Variants in BTBD18 observed in about 807,000 individuals in gnomAD.
BTBD18 encodes BTB domain containing 18, also known as BTB/POZ domain-containing protein 18.
For missense variants in BTBD18, 787 were observed against 846.3 expected, an observed-to-expected ratio of 0.93 and a Z score of 0.87; for synonymous variants, 311 against 324.4, an observed-to-expected ratio of 0.96 and a Z score of 0.44.
At chr11:57,749,745 C>CAAAAAAAAAAAAAA (rs576323420) in intron 2 of BTBD18, among the ~76,000 whole-genome samples, 1 of 62,944 alleles carries the variant, frequency 1.6e-5, no homozygotes, top group Non-Finnish European at 2.8e-5. Flanking sequence ...GCAAGAATCT[C>CAAAAAAAAAAAAAA]AAAAAAAAAA....
chr11:57,752,524 CAAA>C (rs1171408975), upstream of BTBD18, among the ~76,000 whole-genome samples: 1 of 116,298 alleles, frequency 8.6e-6, no homozygotes. Flanking sequence ...GACTCCGTCT[CAAA>C]AAAAAAAAAA....
At chr11:57,748,576 AG>A (rs199880871) in intron 2 of BTBD18, among the ~76,000 whole-genome samples, 3,664 of 151,672 alleles carry the variant, frequency 0.024, 66 homozygotes, top group Non-Finnish European at 0.035. Context: ...AAAAAAAAAA[AG>A]AATTTGAGCC....
chr11:57,744,178 C>G lies in BTBD18; in HGVS notation c.2095G>C (p.Asp699His). 1 of 1,551,438 alleles carries G rather than the reference C, an allele frequency of 6.4e-7. No individual in the cohort carries two copies. The highest frequency in any genetic ancestry group is 1.2e-5 in the South Asian group (1 of 84,044). Residue 699 changes from aspartate to histidine, a missense_variant, in exon 3 of 3, where the codon GAC becomes CAC. Coordinates refer to ENST00000422652, the MANE Select transcript of BTBD18 (RefSeq NM_001145101.3). ...VPTTVPSVWP[D>H]PSSESETEVD... Reference sequence around the variant, plus strand: ...TCTGTTTCTGACTCTGAGGAAGGGTCAGGCCACACGGAGGGAACAGTAGTG... The same window carrying G: ...TCTGTTTCTGACTCTGAGGAAGGGTGAGGCCACACGGAGGGAACAGTAGTG...
At chr11:57,751,446 C>T (rs567390921) in intron 1 of BTBD18, 95 bp downstream of exon 1, 43 of 297,594 alleles carry the variant, frequency 1.4e-4, no homozygotes, top group Admixed American at 8.5e-4. Flanking sequence ...TGGGTCTTGG[C>T]TCTATTTATT....
upstream of BTBD18, among the ~76,000 whole-genome samples, chr11:57,752,458 T>C (rs1209036413): frequency 1.3e-5 from 2 of 149,964 alleles, no homozygotes; most frequent in Non-Finnish European, 3.0e-5. Flanking sequence ...CGCTTGAACC[T>C]GGGAGGCAGA....
In BTBD18 at chr11:57,745,356, T is replaced by C. The variant is rs1949169258; in HGVS notation, c.917A>G (p.Glu306Gly). Reference sequence around the variant, plus strand: ...TGGTTTTGGCTTGTCCTCTGGTGTTTCTTTATTTACACTCCTCTGCCGCCA... The same window carrying C: ...TGGTTTTGGCTTGTCCTCTGGTGTTCCTTTATTTACACTCCTCTGCCGCCA... ...RLWRQRSVNK[E>G]TPEDKPKPGR... Residue 306 changes from glutamate to glycine, a missense_variant, in exon 3 of 3, where the codon GAA becomes GGA. Coordinates refer to ENST00000422652, the MANE Select transcript of BTBD18 (RefSeq NM_001145101.3). 1.9e-6 allele frequency: 3 copies of C among 1,551,582 alleles called. No homozygotes were observed. Among genetic ancestry groups the C allele is most frequent in the African/African-American group, 1.4e-5 (1 of 73,026 alleles).
At chr11:57,749,472 G>A (rs1023413547) in intron 2 of BTBD18, among the ~76,000 whole-genome samples, 16 of 152,150 alleles carry the variant, frequency 1.1e-4, no homozygotes, top group African/African-American at 2.9e-4. Context: ...AGACATGGCC[G>A]GGTGTGTGGC....
In BTBD18 at chr11:57,751,641, C is replaced by G. The variant is rs534072262; in HGVS notation, c.-149G>C. ...ATAACTACCAAGCCCCAAATGGTAA[C>G]TATTATTATCCTTCAACCTTCCTCA... On this transcript the variant is annotated 5_prime_UTR_variant, in exon 1 of 3. Transcript: ENST00000422652. 6.5e-6 allele frequency: 1 copy of G among 152,686 alleles called. No individual in the cohort carries two copies. Among genetic ancestry groups the G allele is most frequent in the South Asian group, 2.1e-4 (1 of 4,842 alleles). The allele number at this position is 152,686 out of a possible 1,614,324, so 9.5% of individuals were successfully genotyped here.
At chr11:57,747,554 GC>G (rs1327976394) in intron 2 of BTBD18, among the ~76,000 whole-genome samples, 7 of 152,038 alleles carry the variant, frequency 4.6e-5, no homozygotes, top group African/African-American at 1.7e-4. Context: ...TCACTCTGTG[GC>G]CCAGGCTGGA....
At chr11:57,748,310 A>T (rs1244336089) in intron 2 of BTBD18, among the ~76,000 whole-genome samples, 1 of 152,108 alleles carries the variant, frequency 6.6e-6, no homozygotes, top group Non-Finnish European at 1.5e-5. Context: ...TACCAATATT[A>T]ATTTATTTAA....
upstream of BTBD18, among the ~76,000 whole-genome samples, chr11:57,752,741 G>T (rs1949339236): frequency 1.3e-5 from 2 of 152,180 alleles, no homozygotes; most frequent in Admixed American, 1.3e-4. Context: ...TCAGCGTTGA[G>T]TCAGGAGGCT....
rs1293607530 is a variant in BTBD18, at chr11:57,745,421, A to G, written c.852T>C (p.Ser284=). The G allele has an allele frequency of 6.4e-7, 1 of 1,551,640 alleles. No individual in the cohort carries two copies. The highest frequency in any genetic ancestry group is 2.4e-5 in the East Asian group (1 of 40,924). The change falls in exon 3 of 3, where the codon AGT becomes AGC. Residue 284 remains serine (S), a synonymous_variant. Coordinates refer to ENST00000422652, the MANE Select transcript of BTBD18 (RefSeq NM_001145101.3). ...ICTSKPSSIL[S]GSSSVPATPG... is the part of the protein sequence containing the mutation. ...GGGTTGCAGGCACTGAGCTAGATCC[A>G]CTTAAAATGCTGGAAGGCTTTGATG...
intron 2 of BTBD18, among the ~76,000 whole-genome samples, chr11:57,750,295 T>A (rs1949280938): frequency 1.3e-5 from 2 of 152,178 alleles, no homozygotes; most frequent in Admixed American, 1.3e-4. Flanking sequence ...CAGAATCGCT[T>A]GAACGCGGGA....
In BTBD18 at chr11:57,746,215, T is replaced by A. The variant is rs1230370210; in HGVS notation, c.125-67A>T. ...CATGTTCATGGGCTAAGCATAGACA[T>A]TACTACCCAAATGTACTGCCCCTTC... On this transcript the variant is annotated intron_variant, in intron 2 of 2. Coordinates refer to ENST00000422652, the MANE Select transcript of BTBD18 (RefSeq NM_001145101.3). 5 of 1,256,344 alleles carry A rather than the reference T, an allele frequency of 4.0e-6. No homozygotes were observed. In the African/African-American group the frequency reaches 7.6e-5, roughly 19 times the overall value. 77.8% of individuals were successfully genotyped at this position (1,256,344 alleles called of 1,614,324 possible).
At chr11:57,750,714 C>T (rs1949289601) in intron 2 of BTBD18, among the ~76,000 whole-genome samples, 1 of 152,198 alleles carries the variant, frequency 6.6e-6, no homozygotes, top group Non-Finnish European at 1.5e-5. Flanking sequence ...ATAATAGTAT[C>T]ATCTAACACA....
intron 2 of BTBD18, among the ~76,000 whole-genome samples, chr11:57,750,514 G>T (rs963538366): frequency 6.6e-6 from 1 of 152,260 alleles, no homozygotes; most frequent in African/African-American, 2.4e-5. Context: ...TGGCCATCAT[G>T]GCAAAACCTC....
At chr11:57,750,196 T>C (rs1949278080) in intron 2 of BTBD18, among the ~76,000 whole-genome samples, 1 of 151,246 alleles carries the variant, frequency 6.6e-6, no homozygotes, top group Non-Finnish European at 1.5e-5. Flanking sequence ...GCCAACATAG[T>C]GAAACCCCAT....
chr11:57,744,387 G>C lies in BTBD18; in HGVS notation c.1886C>G (p.Pro629Arg). 2 of 1,551,680 alleles carry C rather than the reference G, an allele frequency of 1.3e-6. No homozygotes were observed. The highest frequency in any genetic ancestry group is 1.7e-6 in the Non-Finnish European group (2 of 1,146,968). ...CCCAGTCTCCACCCAGTTTGAGCAG[G>C]GAGGTGAGAGGTCCCCATAAGACCT... is the stretch of plus-strand genomic sequence containing the variant. ...PQRSYGDLSP[P>R]CSNWVETGLE... Residue 629 changes from proline (P) to arginine (R), a missense_variant, in exon 3 of 3, where the codon CCC becomes CGC. Physicochemically the swap from Pro to Arg is moderately radical, Grantham distance 103. Coordinates refer to ENST00000422652, the MANE Select transcript of BTBD18 (RefSeq NM_001145101.3).
At position 57,744,047 on chromosome 11, in the gene BTBD18, G is replaced by A; in HGVS notation, c.*87C>T. ...GGTACACCTGCCTCTTGTGCTGAGG[G>A]CACGTGCCAGCTTCTCTGCCAGTAA... On this transcript the variant is annotated 3_prime_UTR_variant, in exon 3 of 3. Coordinates refer to ENST00000422652, the MANE Select transcript of BTBD18 (RefSeq NM_001145101.3). The A allele has an allele frequency of 2.0e-6, 2 of 985,260 alleles. No homozygotes were observed. The highest frequency in any genetic ancestry group is 2.6e-5 in the East Asian group (1 of 38,066). 61.0% of individuals were successfully genotyped at this position (985,260 alleles called of 1,614,324 possible). A position where few individuals can be genotyped will look rare whatever the true frequency, so the allele number is the denominator to read the frequency against.
Sources: gnomAD v4.1 joint callset for allele counts (sites outside exome capture counted in the v4.1 genomes callset) on GRCh38, gnomAD v4.1.1 for gene constraint, MANE v1.5 for transcripts, NCBI Gene and HGNC (gene_info 2026-07-23, HGNC 2026-07-21) for gene names.